GBE1: variants seen among roughly 807,000 people sequenced by gnomAD.
GBE1 encodes the protein 1,4-alpha-glucan branching enzyme 1.
Under a neutral mutation model 88.8 loss-of-function variants are expected in GBE1, and 70 were observed. The observed-to-expected ratio is 0.79, with a 90% CI of 0.65 to 0.96. The LOEUF (loss-of-function observed/expected upper bound fraction) is 0.96, where lower values mean the gene tolerates loss of function less well. Among genes scored for constraint, GBE1 ranks in the 40% least tolerant of loss-of-function variants. GBE1 has a pLI of 0.00. For synonymous variants in GBE1, 284 were observed against 300.1 expected, an observed-to-expected ratio of 0.95 and a Z score of 0.56; for missense variants, 872 against 871.0, an observed-to-expected ratio of 1.00 and a Z score of -0.01.
intron 1 of GBE1, among the ~76,000 whole-genome samples, chr3:81,738,754 C>A (rs1321202341): frequency 6.6e-6 from 1 of 152,026 alleles, no homozygotes; most frequent in Non-Finnish European, 1.5e-5. Context: ...ATGGATTATC[C>A]CATTATTTAA....
rs916259056 is a variant in GBE1 at position 81,594,005 on chromosome 3, G to A, written c.1011C>T (p.Phe337=). The A allele has an allele frequency of 4.2e-5, 66 of 1,557,876 alleles. No homozygotes were observed. The highest frequency in any genetic ancestry group is 5.4e-5 in the Non-Finnish European group (62 of 1,143,730). Residue 337 remains phenylalanine, a synonymous_variant, in exon 8 of 16, where the codon TTC becomes TTT. Coordinates refer to ENST00000429644, the MANE Select transcript of GBE1 (RefSeq NM_000158.4). Reference sequence around the variant, plus strand: ...ACCACCATCTTATGTTTGACAGAAGGAATCTTAAAATTTCCCAGCTAAAAT... The same window carrying A: ...ACCACCATCTTATGTTTGACAGAAGAAATCTTAAAATTTCCCAGCTAAAAT... ...FAYSSWEILR[F]LLSNIRWWLE...
chr3:81,631,461 G>T (rs1439623674), intron 7 of GBE1, among the ~76,000 whole-genome samples: 1 of 151,922 alleles, frequency 6.6e-6, no homozygotes, highest in Non-Finnish European at 1.5e-5. Context: ...CAATGACCAG[G>T]CGTGGTGGCT....
chr3:81,551,574 C>T (rs1703272217), intron 12 of GBE1, among the ~76,000 whole-genome samples: 1 of 152,152 alleles, frequency 6.6e-6, no homozygotes, highest in Admixed American at 6.5e-5. Flanking sequence ...TCTCATCTAC[C>T]TATGACCTGG....
chr3:81,641,099 T>C (rs1221077717), intron 7 of GBE1, among the ~76,000 whole-genome samples: 1 of 152,148 alleles, frequency 6.6e-6, no homozygotes, highest in Non-Finnish European at 1.5e-5. Flanking sequence ...AAAATAAAAA[T>C]GTTGTATAAC....
At chr3:81,680,822 T>C (rs538667820) in intron 2 of GBE1, among the ~76,000 whole-genome samples, 98 of 152,366 alleles carry the variant, frequency 6.4e-4, no homozygotes, top group African/African-American at 1.8e-3. Flanking sequence ...CTCTTGGTCA[T>C]GTGAGAATAC....
chr3:81,613,121 C>A, intron 7 of GBE1: 2 of 442,622 alleles, frequency 4.5e-6, no homozygotes, highest in Non-Finnish European at 7.6e-6. Flanking sequence ...TTAAAATGTT[C>A]TCCAGTCCTT....
rs563681483 is a variant in GBE1 at position 81,596,365 on chromosome 3, C to T, written c.993-2342G>A. On this transcript the variant is annotated intron_variant, in intron 7 of 15. Coordinates refer to ENST00000429644, the MANE Select transcript of GBE1 (RefSeq NM_000158.4). ...AGTTAGTTACATATGTATACATGCA[C>T]CATGTTGGTGTGCTGCACCCAGTAA... Among the ~76,000 whole-genome samples, 3 of 151,772 alleles carry T rather than the reference C, an allele frequency of 2.0e-5. No homozygotes were observed. The South Asian group carries it at 6.2e-4, about 31-fold the overall frequency.
chr3:81,514,968 G>A (rs1189748849), intron 14 of GBE1, among the ~76,000 whole-genome samples: 2 of 151,016 alleles, frequency 1.3e-5, no homozygotes, highest in South Asian at 2.1e-4. Flanking sequence ...ACTGGTATCA[G>A]GTATAAAGAT....
At chr3:81,698,775 G>C (rs1014065237) in intron 2 of GBE1, among the ~76,000 whole-genome samples, 19 of 152,146 alleles carry the variant, frequency 1.2e-4, no homozygotes, top group Admixed American at 1.0e-3. Context: ...GTGGGAATCA[G>C]TCAGCGGCAT....
At chr3:81,684,038 TGTC>T (rs1206974678) in intron 2 of GBE1, among the ~76,000 whole-genome samples, 6 of 152,322 alleles carry the variant, frequency 3.9e-5, no homozygotes, top group Non-Finnish European at 7.4e-5. Flanking sequence ...AGTTATGGAT[TGTC>T]CTTAGTGCTT....
intron 1 of GBE1, chr3:81,743,660 A>G (rs1423324810): frequency 7.4e-6 from 10 of 1,360,364 alleles, no homozygotes; most frequent in Non-Finnish European, 1.0e-5. Context: ...GGGCTATTAA[A>G]GCAGACAGCA....
chr3:81,675,549 A>G (rs1705240453), intron 2 of GBE1, among the ~76,000 whole-genome samples: 2 of 152,102 alleles, frequency 1.3e-5, no homozygotes, highest in African/African-American at 4.8e-5. Flanking sequence ...TGATATTCAC[A>G]CCGAAACATT....
chr3:81,640,034 T>C (rs1325698382), intron 7 of GBE1, among the ~76,000 whole-genome samples: 2 of 152,208 alleles, frequency 1.3e-5, no homozygotes, highest in East Asian at 3.8e-4. Flanking sequence ...AAGAGCAAAG[T>C]AGGACTTTGA....
intron 3 of GBE1, among the ~76,000 whole-genome samples, chr3:81,661,154 GAA>G (rs1187263132): frequency 6.6e-6 from 1 of 151,924 alleles, no homozygotes; most frequent in Non-Finnish European, 1.5e-5. Context: ...AAAAATGTGA[GAA>G]AGTGTTCAAT....
chr3:81,541,581 T>G (rs1049554320), intron 12 of GBE1, among the ~76,000 whole-genome samples: 3 of 151,860 alleles, frequency 2.0e-5, no homozygotes, highest in African/African-American at 7.3e-5. Context: ...ATTAATGTTG[T>G]TATAAAACAG....
At chr3:81,619,243 T>G (rs1006987027) in intron 7 of GBE1, among the ~76,000 whole-genome samples, 5 of 152,138 alleles carry the variant, frequency 3.3e-5, no homozygotes, top group African/African-American at 4.8e-5. Context: ...AAAATTGTCC[T>G]TCATATTATC....
At position 81,516,636 on chromosome 3, in the gene GBE1, C is replaced by T. The variant is rs1023895095; in HGVS notation, c.1935-17409G>A. ...AAGCAGTGATTCCTCTAATGAATCT[C>T]GGCAAAGCAAATTGAAAATCTTCTG... On this transcript the variant is annotated intron_variant, in intron 14 of 15. Coordinates refer to ENST00000429644, the MANE Select transcript of GBE1 (RefSeq NM_000158.4). Among the ~76,000 whole-genome samples, 6 of 151,366 alleles carry T rather than the reference C, an allele frequency of 4.0e-5. No homozygotes were observed. In the East Asian group the frequency reaches 5.8e-4, roughly 15 times the overall value.
chr3:81,638,878 T>G (rs1026222370), intron 7 of GBE1, among the ~76,000 whole-genome samples: 1 of 152,116 alleles, frequency 6.6e-6, no homozygotes, highest in Admixed American at 6.6e-5. Flanking sequence ...GCAACATATC[T>G]CTACAGAAGC....
chr3:81,519,419 G>C (rs1288621701), intron 14 of GBE1, among the ~76,000 whole-genome samples: 1 of 151,414 alleles, frequency 6.6e-6, no homozygotes, highest in Non-Finnish European at 1.5e-5. Flanking sequence ...CATTGTAACA[G>C]TTTGAAATGC....
Sources: allele counts gnomAD v4.1 joint callset (sites outside exome capture counted in the v4.1 genomes callset), GRCh38; gene constraint gnomAD v4.1.1; transcripts MANE v1.5; gene names NCBI Gene and HGNC (gene_info 2026-07-23, HGNC 2026-07-21).